Variants in HECW2 observed in about 807,000 individuals in gnomAD.
The protein encoded by HECW2 is HECT, C2 and WW domain containing E3 ubiquitin protein ligase 2.
In HECW2, 61 loss-of-function variants were observed where a neutral mutation model predicts 175.2. The observed-to-expected ratio is 0.35, with a 90% CI of 0.28 to 0.43. The LOEUF is 0.43. Among genes scored for constraint, HECW2 ranks in the 20% least tolerant of loss-of-function variants. The pLI, the probability that HECW2 is intolerant of heterozygous loss-of-function variation, is 1.00. For synonymous variants in HECW2, 671 were observed against 731.0 expected (o/e 0.92, Z 1.32); for missense variants, 1,524 against 2,000.5 (o/e 0.76, Z 4.54).
At chr2:196,531,699 C>G (rs1688846667) in intron 1 of HECW2, among the ~76,000 whole-genome samples, 1 of 151,764 alleles carries the variant, frequency 6.6e-6, no homozygotes, top group African/African-American at 2.4e-5. Flanking sequence ...AGGATGAGAC[C>G]AAGCTCTCTT....
intron 19 of HECW2, among the ~76,000 whole-genome samples, chr2:196,246,607 A>G (rs149634585): frequency 0.22 from 33,125 of 151,582 alleles, 4,362 homozygotes; most frequent in East Asian, 0.44. Context: ...AGCCAGGATG[A>G]TCTCGATCTC....
chr2:196,395,246 C>T (rs1203845992), intron 2 of HECW2, among the ~76,000 whole-genome samples: 1 of 152,116 alleles, frequency 6.6e-6, no homozygotes, highest in Non-Finnish European at 1.5e-5. Context: ...AGAGCTAAAA[C>T]TTAAAACTCT....
intron 19 of HECW2, among the ~76,000 whole-genome samples, chr2:196,246,381 A>G (rs1201585494): frequency 6.6e-6 from 1 of 152,118 alleles, no homozygotes; most frequent in African/African-American, 2.4e-5. Context: ...TTTAAGACAC[A>G]AAAGAAACTT....
chr2:196,532,495 G>A lies in HECW2; in HGVS notation c.-36+61013C>T, dbSNP rs556616049. Among the ~76,000 whole-genome samples the A allele has an allele frequency of 2.0e-5, 3 of 152,202 alleles. No individual in the cohort carries two copies. The East Asian group carries it at 5.8e-4, about 29-fold the overall frequency. On this transcript the variant is annotated intron_variant, in intron 1 of 28. Coordinates refer to ENST00000644978, the MANE Select transcript of HECW2 (RefSeq NM_001348768.2). Reference sequence around the variant, plus strand: ...GCCTGTCAGGGGGTGGGTGTCTAGGGGAGGGACAGCATTAGGAGAAATACC... The same window carrying A: ...GCCTGTCAGGGGGTGGGTGTCTAGGAGAGGGACAGCATTAGGAGAAATACC...
intron 2 of HECW2, among the ~76,000 whole-genome samples, chr2:196,403,591 CT>C (rs1396999749): frequency 1.3e-5 from 2 of 152,318 alleles, no homozygotes; most frequent in East Asian, 1.9e-4. Flanking sequence ...TTTAAGAAGA[CT>C]GAGTCACTTT....
At chr2:196,454,043 C>T (rs960694764) in intron 1 of HECW2, among the ~76,000 whole-genome samples, 84 of 152,168 alleles carry the variant, frequency 5.5e-4, no homozygotes, top group African/African-American at 2.0e-3. Flanking sequence ...CAGAGACTCA[C>T]TCTGTTGCCC....
intron 1 of HECW2, among the ~76,000 whole-genome samples, chr2:196,550,151 T>C (rs1689561960): frequency 6.6e-6 from 1 of 152,204 alleles, no homozygotes; most frequent in African/African-American, 2.4e-5. Flanking sequence ...CAGGCTGGAA[T>C]TGGACACTAG....
chr2:196,531,287 C>T (rs1688830137), intron 1 of HECW2, among the ~76,000 whole-genome samples: 2 of 152,160 alleles, frequency 1.3e-5, no homozygotes. Flanking sequence ...CTGTCTTGTT[C>T]GATCTACTGT....
intron 2 of HECW2, among the ~76,000 whole-genome samples, chr2:196,401,483 GTAT>G (rs1694815851): frequency 6.6e-6 from 1 of 152,040 alleles, no homozygotes; most frequent in Non-Finnish European, 1.5e-5. Context: ...GAAACAATTA[GTAT>G]TATTTGAAAT....
chr2:196,511,754 T>A (rs910162845), intron 1 of HECW2, among the ~76,000 whole-genome samples: 2 of 152,096 alleles, frequency 1.3e-5, no homozygotes, highest in Non-Finnish European at 2.9e-5. Flanking sequence ...GGCAGAGTCT[T>A]AAGGGGCAGG....
intron 2 of HECW2, among the ~76,000 whole-genome samples, chr2:196,405,250 T>C (rs1021724457): frequency 6.6e-6 from 1 of 152,112 alleles, no homozygotes; most frequent in African/African-American, 2.4e-5. Context: ...GTCCAGCTGG[T>C]AGAAGAATAA....
At position 196,292,743 on chromosome 2, in the gene HECW2, T is replaced by G; in HGVS notation, c.2822A>C (p.Tyr941Ser). ...ACACGTGTTGTTTGTAAACATGCGGTAGGCACTCTAAAGAAAAGAATGGAG... is the reference window on the plus strand; with the variant it reads ...ACACGTGTTGTTTGTAAACATGCGGGAGGCACTCTAAAGAAAAGAATGGAG... The part of the protein sequence containing the change: ...FTVLHSNPSA[Y>S]RMFTNNTCLK... Residue 941 changes from tyrosine to serine, a missense_variant, in exon 14 of 29, where the codon TAC (tyrosine) becomes TCC (serine). Coordinates refer to ENST00000644978, the MANE Select transcript of HECW2 (RefSeq NM_001348768.2). 6.2e-7 allele frequency: 1 copy of G among 1,611,228 alleles called. No homozygotes were observed.
At position 196,231,883 on chromosome 2, in the gene HECW2, G is replaced by C. The variant is rs183144395; in HGVS notation, c.3765-3629C>G. On this transcript the variant is annotated intron_variant, in intron 21 of 28. Transcript: ENST00000644978. Reference sequence around the variant, plus strand: ...GGGCGCCTGTAGTCCCAGCTACTTGGGAGGCTGAGGCAGGAGAATGGCGTG... The same window carrying C: ...GGGCGCCTGTAGTCCCAGCTACTTGCGAGGCTGAGGCAGGAGAATGGCGTG... Among the ~76,000 whole-genome samples the C allele has an allele frequency of 1.6e-3, 244 of 151,916 alleles. 3 individuals carry two copies. In the East Asian group the frequency reaches 0.025, roughly 16 times the overall value.
At chr2:196,283,450 C>T (rs1575353990) in intron 14 of HECW2, among the ~76,000 whole-genome samples, 1 of 150,152 alleles carries the variant, frequency 6.7e-6, no homozygotes, top group South Asian at 2.1e-4. Flanking sequence ...ATCTTGGCTC[C>T]CTGCAACCTC....
chr2:196,469,429 C>T (rs991110192), intron 1 of HECW2, among the ~76,000 whole-genome samples: 5 of 151,866 alleles, frequency 3.3e-5, no homozygotes, highest in African/African-American at 1.2e-4. Flanking sequence ...GGAACACCCA[C>T]GAAGTTTAGG....
intron 1 of HECW2, among the ~76,000 whole-genome samples, chr2:196,526,550 C>T (rs1187036868): frequency 2.6e-5 from 4 of 151,794 alleles, no homozygotes; most frequent in East Asian, 1.9e-4. Context: ...GGAGGAGAGG[C>T]GCTCTGCGTT....
chr2:196,518,599 G>A (rs1430796624), intron 1 of HECW2, among the ~76,000 whole-genome samples: 2 of 145,828 alleles, frequency 1.4e-5, no homozygotes, highest in Admixed American at 7.1e-5. Flanking sequence ...AGGTTGCAGC[G>A]AGCTGAGATT....
chr2:196,462,108 C>T (rs1228419726), intron 1 of HECW2, among the ~76,000 whole-genome samples: 2 of 151,858 alleles, frequency 1.3e-5, no homozygotes, highest in East Asian at 3.9e-4. Flanking sequence ...GTTTTTTCCT[C>T]TTCATAACAT....
rs776539916 is a variant in HECW2, at chr2:196,240,543, G to C, written c.3670C>G (p.His1224Asp). ...TGATTAAAAGCATCTTCTAGTAAGT[G>C]ATCTCTTCGGATAATTAACCTGTCC... ...GKLKLIIRRDHLLEDAFNQIM... is the reference protein window; with the variant it reads ...GKLKLIIRRDDLLEDAFNQIM... The change falls in exon 21 of 29, where the codon CAC becomes GAC. Residue 1224 changes from histidine (H) to aspartate (D), a missense_variant. Transcript: ENST00000644978. 11 of 1,607,976 alleles carry C rather than the reference G, an allele frequency of 6.8e-6. No individual in the cohort carries two copies. The highest frequency in any genetic ancestry group is 9.3e-6 in the Non-Finnish European group (11 of 1,178,120).
Sources: allele counts gnomAD v4.1 joint callset (sites outside exome capture counted in the v4.1 genomes callset), GRCh38; gene constraint gnomAD v4.1.1; transcripts MANE v1.5; gene names NCBI Gene and HGNC (gene_info 2026-07-23, HGNC 2026-07-21).